The following ZZEF1 variants were observed in gnomAD, a reference collection of about 807,000 sequenced individuals.
ZZEF1 encodes the protein zinc finger ZZ-type and EF-hand domain-containing protein 1.
In ZZEF1, 157 loss-of-function variants were observed where a neutral mutation model predicts 342.8. The observed-to-expected ratio is 0.46, with a 90% CI of 0.40 to 0.52. The LOEUF is 0.52. Among genes scored for constraint, ZZEF1 ranks in the 20% least tolerant of loss-of-function variants. The pLI is 0.00. For synonymous variants in ZZEF1, 1,505 were observed against 1,429.1 expected, an observed-to-expected ratio of 1.05 and a Z score of -1.20; for missense variants, 3,480 against 3,725.6, an observed-to-expected ratio of 0.93 and a Z score of 1.72.
chr17:4,043,551 C>G (rs1386970957), intron 38 of ZZEF1, among the ~76,000 whole-genome samples: 1 of 152,206 alleles, frequency 6.6e-6, no homozygotes, highest in Non-Finnish European at 1.5e-5. Context: ...CCTGAGCCCA[C>G]AGCATGCTCC....
chr17:4,135,173 C>A (rs1184769740), intron 1 of ZZEF1, among the ~76,000 whole-genome samples: 2 of 152,182 alleles, frequency 1.3e-5, no homozygotes, highest in African/African-American at 2.4e-5. Flanking sequence ...ACCTACAAAT[C>A]TCTTAAAATA....
chr17:4,087,171 C>T (rs967234747), intron 14 of ZZEF1, among the ~76,000 whole-genome samples: 7 of 152,154 alleles, frequency 4.6e-5, no homozygotes, highest in African/African-American at 7.2e-5. Flanking sequence ...TGAGCCACCG[C>T]GCCCAGGCAG....
At position 4,105,769 on chromosome 17, in the gene ZZEF1, C is replaced by T; in HGVS notation, c.1318G>A (p.Gly440Arg). ...RHMPPLSLSP[G>R]STDFSTFLSP... ...AGGAAAGTTGAGAAATCTGTAGATC[C>T]TGGTGAGAGAGAGAGTGGAGGCATG... Residue 440 changes from glycine (G) to arginine (R), a missense_variant, in exon 7 of 55, where the codon GGA becomes AGA. This residue lies in a region of ZZEF1 where 1,528 missense variants were observed against 1,624.1 expected (regional missense o/e 0.94). Coordinates refer to ENST00000381638, the MANE Select transcript of ZZEF1 (RefSeq NM_015113.4). The T allele has an allele frequency of 6.2e-7, 1 of 1,613,208 alleles. No individual in the cohort carries two copies. Among genetic ancestry groups the T allele is most frequent in the Non-Finnish European group, 8.5e-7 (1 of 1,179,700 alleles).
In ZZEF1 at chr17:4,016,225, C is replaced by G. The variant is rs2056095950; in HGVS notation, c.8145+98G>C. 35 of 1,439,890 alleles carry G rather than the reference C, an allele frequency of 2.4e-5. No individual in the cohort carries two copies. In the Admixed American group the frequency reaches 2.9e-4, roughly 12 times the overall value. 89.2% of individuals were successfully genotyped at this position (1,439,890 alleles called of 1,614,324 possible). On this transcript the variant is annotated intron_variant, in intron 49 of 54. Transcript: ENST00000381638. This position sits in a 1 kb window ranked among gnomAD's most constrained non-coding sequence, Gnocchi z 4.4. ...GTCTCTGCTGTCCAGCGGGAGAGAG[C>G]CACAGAGGGGCTGAGCATGGAGGGG...
intron 3 of ZZEF1, 26 bp from the exon 4 acceptor site, chr17:4,114,496 T>C (rs1180919461): frequency 1.4e-6 from 2 of 1,437,934 alleles, no homozygotes; most frequent in Admixed American, 2.6e-5. Context: ...GAGTTGATTA[T>C]ATGACATCCC....
intron 8 of ZZEF1, 149 bp from the exon 9 acceptor site, chr17:4,102,564 C>A (rs2058144813): frequency 1.6e-6 from 1 of 630,390 alleles, no homozygotes; most frequent in African/African-American, 1.8e-5. Flanking sequence ...GCAGTAATAT[C>A]AGACAAAAGT....
Position 4,075,109 on chromosome 17 carries a change from A to G in ZZEF1, c.3471T>C (p.Asp1157=), listed in dbSNP as rs768733312. ...GACTATCACTCACCTTGGGCCATTT[A>G]TCAGTGCCAACTTTTGTGTCATAGC... ...KTRYDTKVGT[D]KWPKKVTFKA... The change falls in exon 23 of 55, where the codon GAT becomes GAC. Residue 1157 remains aspartate, a synonymous_variant. Transcript: ENST00000381638. 1.2e-6 allele frequency: 2 copies of G among 1,614,222 alleles called. No homozygotes were observed. Among genetic ancestry groups the G allele is most frequent in the South Asian group, 2.2e-5 (2 of 91,080 alleles).
chr17:4,091,374 A>G (rs2057939551), intron 11 of ZZEF1, among the ~76,000 whole-genome samples: 1 of 152,236 alleles, frequency 6.6e-6, no homozygotes, highest in African/African-American at 2.4e-5. Flanking sequence ...GTTCTTTCAG[A>G]AAAACATTCC....
At chr17:4,031,546 T>C (rs2056548400) in intron 42 of ZZEF1, among the ~76,000 whole-genome samples, 1 of 152,088 alleles carries the variant, frequency 6.6e-6, no homozygotes, top group Non-Finnish European at 1.5e-5. Flanking sequence ...AGAAAAGATC[T>C]TAGACATTTA....
chr17:4,120,919 C>T (rs1055695558), intron 2 of ZZEF1, among the ~76,000 whole-genome samples: 1 of 152,092 alleles, frequency 6.6e-6, no homozygotes, highest in African/African-American at 2.4e-5. Flanking sequence ...TTTTCTTAAA[C>T]GCTTAAGCAC....
intron 43 of ZZEF1, among the ~76,000 whole-genome samples, chr17:4,023,313 G>A (rs1040836198): frequency 6.6e-5 from 10 of 152,042 alleles, no homozygotes; most frequent in South Asian, 2.1e-4. Context: ...CTCTCTTGCC[G>A]GTCAGACCAC....
chr17:4,023,226 A>G (rs977288856), intron 43 of ZZEF1, among the ~76,000 whole-genome samples: 1 of 152,116 alleles, frequency 6.6e-6, no homozygotes, highest in Non-Finnish European at 1.5e-5. Context: ...CTGACTCCTT[A>G]TCTATCGGTT....
chr17:4,142,899 G>T lies in ZZEF1; in HGVS notation c.-4C>A. The T allele has an allele frequency of 7.5e-7, 1 of 1,337,932 alleles. No individual in the cohort carries two copies. The highest frequency in any genetic ancestry group is 9.5e-7 in the Non-Finnish European group (1 of 1,051,374). 82.9% of individuals were successfully genotyped at this position (1,337,932 alleles called of 1,614,324 possible). On this transcript the variant is annotated 5_prime_UTR_variant, in exon 1 of 55. Coordinates refer to ENST00000381638, the MANE Select transcript of ZZEF1 (RefSeq NM_015113.4). ...TGTGACTCGGAGCGTTCCCCATGGG[G>T]TCTCCGTCTTGGGCGCCTGGCTCTG...
At chr17:4,082,958 T>C (rs2057752085) in intron 16 of ZZEF1, among the ~76,000 whole-genome samples, 1 of 152,152 alleles carries the variant, frequency 6.6e-6, no homozygotes. Context: ...GTATTTTTAG[T>C]AGAGACGGGG....
At chr17:4,120,281 C>T (rs554614521) in intron 2 of ZZEF1, among the ~76,000 whole-genome samples, 4 of 151,672 alleles carry the variant, frequency 2.6e-5, no homozygotes, top group African/African-American at 4.8e-5. Context: ...TGCTTGAATC[C>T]GGGAGGCAGA....
intron 11 of ZZEF1, 67 bp downstream of exon 11, chr17:4,095,764 T>C: frequency 6.6e-7 from 1 of 1,510,996 alleles, no homozygotes; most frequent in Non-Finnish European, 8.9e-7. Context: ...CATGAATACA[T>C]TCTTATTAAC....
chr17:4,123,853 T>C (rs1376700314), intron 2 of ZZEF1, 54 bp downstream of exon 2: 3 of 1,582,816 alleles, frequency 1.9e-6, no homozygotes, highest in African/African-American at 2.7e-5. Flanking sequence ...TTTCAATCAG[T>C]AGTATAGCAA....
chr17:4,077,548 T>C (rs977971655), intron 19 of ZZEF1, among the ~76,000 whole-genome samples: 14 of 152,222 alleles, frequency 9.2e-5, no homozygotes, highest in Non-Finnish European at 1.5e-5. Context: ...AAGACTTTCA[T>C]TTTTAGATGA....
chr17:4,132,772 C>T (rs2058686245), intron 1 of ZZEF1, among the ~76,000 whole-genome samples: 2 of 117,660 alleles, frequency 1.7e-5, no homozygotes, highest in Admixed American at 8.9e-5. Context: ...CAAGACCATC[C>T]TGGCTAACAC....
Sources: gnomAD v4.1 joint callset for allele counts (sites outside exome capture counted in the v4.1 genomes callset) on GRCh38, gnomAD v4.1.1 for gene constraint, gnomAD v4.1.1 regional missense constraint, Gnocchi (gnomAD v3.1) non-coding constraint, MANE v1.5 for transcripts, NCBI Gene and HGNC (gene_info 2026-07-23, HGNC 2026-07-21) for gene names.